DMRT1: variants seen among roughly 807,000 people sequenced by gnomAD.
The protein encoded by DMRT1 is doublesex and mab-3 related transcription factor 1, also known as doublesex- and mab-3-related transcription factor 1.
A neutral mutation model predicts 32.3 loss-of-function variants in DMRT1; 7 were observed. That is an observed-to-expected ratio of 0.22 (90% CI 0.12 to 0.41). The LOEUF is 0.41. Ranked by LOEUF, DMRT1 falls within the 10% of genes least tolerant of loss-of-function variation. DMRT1 has a pLI of 1.00. For synonymous variants in DMRT1, 278 were observed against 206.1 expected (o/e 1.35, Z -2.99); for missense variants, 625 against 500.5 (o/e 1.25, Z -2.37).
chr9:885,328 G>T (rs904696829), intron 2 of DMRT1, among the ~76,000 whole-genome samples: 1 of 152,216 alleles, frequency 6.6e-6, no homozygotes, highest in African/African-American at 2.4e-5. Context: ...TCTTGCCTTG[G>T]TGTACCAAAA....
intron 3 of DMRT1, among the ~76,000 whole-genome samples, chr9:914,310 C>T (rs1164777091): frequency 6.6e-6 from 1 of 151,818 alleles, no homozygotes; most frequent in Non-Finnish European, 1.5e-5. Context: ...CGCGGTGGCT[C>T]ACGCCTGTAA....
intron 3 of DMRT1, among the ~76,000 whole-genome samples, chr9:901,929 T>TC (rs1817596042): frequency 8.8e-6 from 1 of 114,056 alleles, no homozygotes; most frequent in East Asian, 2.7e-4. Context: ...TTTTTTTTTT[T>TC]TGAGACAGAG....
intron 4 of DMRT1, among the ~76,000 whole-genome samples, chr9:942,007 G>A (rs1268308769): frequency 6.6e-6 from 1 of 152,166 alleles, no homozygotes; most frequent in African/African-American, 2.4e-5. Flanking sequence ...TGGTATCCTT[G>A]TAATGTTGTT....
chr9:868,412 A>C (rs1039036292), intron 2 of DMRT1, among the ~76,000 whole-genome samples: 3 of 152,218 alleles, frequency 2.0e-5, no homozygotes, highest in Admixed American at 6.5e-5. Flanking sequence ...GCTTTAAAAA[A>C]ACAAAATTCA....
chr9:845,007 C>G (rs542805712), intron 1 of DMRT1, among the ~76,000 whole-genome samples: 9 of 152,098 alleles, frequency 5.9e-5, no homozygotes, highest in Non-Finnish European at 1.3e-4. Context: ...CAGGCGTGAG[C>G]CACTGCGCCC....
chr9:865,300 T>TA (rs1815932518), intron 2 of DMRT1, among the ~76,000 whole-genome samples: 1 of 151,892 alleles, frequency 6.6e-6, no homozygotes, highest in Non-Finnish European at 1.5e-5. Flanking sequence ...CTCAGTTTCT[T>TA]ACCACCTCTC....
chr9:913,224 C>T (rs542459909), intron 3 of DMRT1, among the ~76,000 whole-genome samples: 60 of 152,094 alleles, frequency 3.9e-4, no homozygotes, highest in Non-Finnish European at 4.9e-4. Context: ...AAGCATTTTC[C>T]TTGAAGAACT....
intron 4 of DMRT1, among the ~76,000 whole-genome samples, chr9:943,410 A>G (rs1176096496): frequency 6.6e-6 from 1 of 152,216 alleles, no homozygotes; most frequent in Non-Finnish European, 1.5e-5. Flanking sequence ...CAGGGAGGTG[A>G]GGTGATGCTT....
intron 1 of DMRT1, among the ~76,000 whole-genome samples, chr9:846,063 G>C (rs991472831): frequency 7.4e-6 from 1 of 134,720 alleles, no homozygotes; most frequent in Non-Finnish European, 1.6e-5. Flanking sequence ...ACATAGTCTT[G>C]TTTTGTCGCC....
Position 879,386 on chromosome 9 carries a change from T to TA in DMRT1, c.539-14517dup, listed in dbSNP as rs965159133. ...ATAAAAATTACTACATTTTGCAAAT[T>TA]AAAAAAAAACAAGAGAGTGGCATTG... On this transcript the variant is annotated intron_variant, in intron 2 of 4. Transcript: ENST00000382276. Among the ~76,000 whole-genome samples the TA allele has an allele frequency of 6.6e-5, 10 of 151,406 alleles. 1 individual carries two copies. Among genetic ancestry groups the TA allele is most frequent in the South Asian group, 2.1e-4 (1 of 4,802 alleles).
chr9:863,153 A>C (rs1815798526), intron 2 of DMRT1, among the ~76,000 whole-genome samples: 1 of 150,532 alleles, frequency 6.6e-6, no homozygotes, highest in Non-Finnish European at 1.5e-5. Flanking sequence ...TCTCTACAAA[A>C]AAAAAAAAAA....
intron 4 of DMRT1, among the ~76,000 whole-genome samples, chr9:922,747 A>G (rs998779467): frequency 6.6e-6 from 1 of 152,110 alleles, no homozygotes; most frequent in African/African-American, 2.4e-5. Context: ...GCCTTCCTTC[A>G]CGTCCAAGCT....
In DMRT1 at chr9:965,172, AAC is replaced by A. The variant is rs1432536282; in HGVS notation, c.968-2808_968-2807del. On this transcript the variant is annotated intron_variant, in intron 4 of 4. Coordinates refer to ENST00000382276, the MANE Select transcript of DMRT1 (RefSeq NM_021951.3). This position sits in a 1 kb window ranked among gnomAD's most constrained non-coding sequence, Gnocchi z 4.5. ...TTTTGGACATTAGTCACTAAGGAAA[AAC>A]ACACTAAATCTTTTCACGTACCTAG... is the stretch of plus-strand genomic sequence containing the variant. 6.6e-6 allele frequency among the ~76,000 whole-genome samples: 1 copy of A among 152,196 alleles called. No individual in the cohort carries two copies. Among genetic ancestry groups the A allele is most frequent in the East Asian group, 1.9e-4 (1 of 5,196 alleles).
At chr9:934,812 A>C (rs1818833687) in intron 4 of DMRT1, among the ~76,000 whole-genome samples, 1 of 152,196 alleles carries the variant, frequency 6.6e-6, no homozygotes, top group Admixed American at 6.5e-5. Context: ...AAGTTTTGAC[A>C]CTTTCGATGA....
Position 878,377 on chromosome 9 carries a change from G to C in DMRT1, c.539-15535G>C, listed in dbSNP as rs188004155. 9.1e-4 allele frequency among the ~76,000 whole-genome samples: 139 copies of C among 152,310 alleles called. 1 individual carries two copies. The highest frequency in any genetic ancestry group is 2.3e-3 in the African/African-American group (97 of 41,564). On this transcript the variant is annotated intron_variant, in intron 2 of 4. Coordinates refer to ENST00000382276, the MANE Select transcript of DMRT1 (RefSeq NM_021951.3). ...GGTTGCATTTGCCTCACTAAGTAGA[G>C]GTGGTGGCTTGCAGGAGGTGCACAG...
At chr9:853,920 C>A (rs1057073063) in intron 2 of DMRT1, among the ~76,000 whole-genome samples, 2 of 152,032 alleles carry the variant, frequency 1.3e-5, no homozygotes, top group African/African-American at 4.8e-5. Context: ...CTCAGCCTCC[C>A]GAGCAGTTAG....
At chr9:963,168 T>G (rs1244708957) in intron 4 of DMRT1, among the ~76,000 whole-genome samples, 1 of 152,192 alleles carries the variant, frequency 6.6e-6, no homozygotes, top group Non-Finnish European at 1.5e-5. Flanking sequence ...TTTACCTGAT[T>G]CCATCTATAG....
intron 4 of DMRT1, among the ~76,000 whole-genome samples, chr9:935,297 A>G (rs922939874): frequency 6.6e-6 from 1 of 152,232 alleles, no homozygotes; most frequent in African/African-American, 2.4e-5. Flanking sequence ...CAGAGCTAAC[A>G]GCAGATTGGC....
intron 4 of DMRT1, among the ~76,000 whole-genome samples, chr9:920,874 T>A (rs1818330696): frequency 6.6e-6 from 1 of 152,150 alleles, no homozygotes; most frequent in African/African-American, 2.4e-5. Context: ...AGTGCTTTGT[T>A]ACTTGTCTAA....
Sources: gnomAD v4.1 joint callset for allele counts (sites outside exome capture counted in the v4.1 genomes callset) on GRCh38, gnomAD v4.1.1 for gene constraint, Gnocchi (gnomAD v3.1) non-coding constraint, MANE v1.5 for transcripts, NCBI Gene and HGNC (gene_info 2026-07-23, HGNC 2026-07-21) for gene names.